The following BAIAP3 variants were observed in gnomAD, a reference collection of about 807,000 sequenced individuals.
BAIAP3 encodes BAI1 associated protein 3.
A neutral mutation model predicts 149.7 loss-of-function variants in BAIAP3; 180 were observed. That is an observed-to-expected ratio of 1.20 (90% CI 1.07 to 1.36). The LOEUF (loss-of-function observed/expected upper bound fraction) is 1.36, where lower values mean the gene tolerates loss of function less well. Among genes scored for constraint, BAIAP3 ranks in the 40% most tolerant of loss-of-function variants. BAIAP3 has a pLI of 0.00. For synonymous variants in BAIAP3, 845 were observed against 670.7 expected, an observed-to-expected ratio of 1.26 and a Z score of -4.02; for missense variants, 1,767 against 1,563.4, an observed-to-expected ratio of 1.13 and a Z score of -2.20.
At chr16:1,343,939 G>GT (rs1004410489) in intron 15 of BAIAP3, 83 bp from the exon 16 acceptor site, 7 of 1,575,746 alleles carry the variant, frequency 4.4e-6, no homozygotes, top group Admixed American at 3.4e-5. Flanking sequence ...GGGGAAGGGT[G>GT]TTGCGGGCCA....
Position 1,343,120 on chromosome 16 carries a change from G to A in BAIAP3, c.1265+104G>A, listed in dbSNP as rs371321072. 207 of 1,122,256 alleles carry A rather than the reference G, an allele frequency of 1.8e-4. 1 individual carries two copies. In the African/African-American group the frequency reaches 1.9e-3, roughly 10 times the overall value. The allele number at this position is 1,122,256 out of a possible 1,614,324, so 69.5% of individuals were successfully genotyped here. A position where few individuals can be genotyped will look rare whatever the true frequency, so the allele number is the denominator to read the frequency against. The stretch of plus-strand genomic sequence containing the variant: ...TGGATGTCGTGGCTGGGAGGGTGGG[G>A]CAGGGAAAGGGGCGGTGCTGAGTAG... On this transcript the variant is annotated intron_variant, in intron 14 of 33. Coordinates refer to ENST00000426824, the MANE Select transcript of BAIAP3 (RefSeq NM_001199097.2).
At chr16:1,334,813 G>T (rs2033354806) in intron 1 of BAIAP3, 2 of 1,449,948 alleles carry the variant, frequency 1.4e-6, no homozygotes, top group South Asian at 1.2e-5. Flanking sequence ...AAGGGGAGTC[G>T]GGGGGCTGAG....
At chr16:1,342,430 G>A (rs769011408) in intron 11 of BAIAP3, 97 bp from the exon 12 acceptor site, 18 of 1,386,200 alleles carry the variant, frequency 1.3e-5, no homozygotes, top group Non-Finnish European at 1.8e-5. Flanking sequence ...CCGGAGAAGG[G>A]AAGCCCAGGC....
Position 1,348,239 on chromosome 16 carries a change from TG to T in BAIAP3, c.3296del (p.Gly1099AlafsTer21). ...GTCACTGGTGTCGCCCGGCCCCAGGTGGGCGGGGGTGCAAGGGCTGGGCAGC... is the reference window on the plus strand; with the variant it reads ...GTCACTGGTGTCGCCCGGCCCCAGGTGGCGGGGGTGCAAGGGCTGGGCAGC... ...GGVTGVARPQVGGGARAGQPV... is the reference protein window; with the variant it reads ...GGVTGVARPQXGGGARAGQPV... On this transcript the variant is annotated frameshift_variant, in exon 33 of 34. Transcript: ENST00000426824. LOFTEE classifies it high-confidence loss of function. 6.2e-7 allele frequency: 1 copy of T among 1,605,244 alleles called. No individual in the cohort carries two copies. The highest frequency in any genetic ancestry group is 8.5e-7 in the Non-Finnish European group (1 of 1,178,026).
intron 28 of BAIAP3, 95 bp downstream of exon 28, chr16:1,347,050 G>A: frequency 8.1e-7 from 1 of 1,233,582 alleles, no homozygotes; most frequent in South Asian, 1.3e-5. Context: ...GGTCTCCTGT[G>A]GCTGGAGAGC....
rs201748976 is a variant in BAIAP3, at chr16:1,334,626, G to A, written c.-11+877G>A. ...CGGGGAGCCCAAGGCCACCGGCAGC[G>A]CTTGTTAGAATGCAGATTCCCGGGG... On this transcript the variant is annotated intron_variant, in intron 1 of 33. Coordinates refer to ENST00000426824, the MANE Select transcript of BAIAP3 (RefSeq NM_001199097.2). 5.3e-5 allele frequency: 81 copies of A among 1,536,614 alleles called. 1 individual carries two copies. In the East Asian group the frequency reaches 1.9e-3, roughly 36 times the overall value.
chr16:1,348,403 A>G lies in BAIAP3; in HGVS notation c.3380A>G (p.Glu1127Gly). 1 of 1,612,658 alleles carries G rather than the reference A, an allele frequency of 6.2e-7. No individual in the cohort carries two copies. The highest frequency in any genetic ancestry group is 8.5e-7 in the Non-Finnish European group (1 of 1,179,830). Residue 1127 changes from glutamate (E) to glycine (G), a missense_variant, in exon 34 of 34, where the codon GAA becomes GGA. Coordinates refer to ENST00000426824, the MANE Select transcript of BAIAP3 (RefSeq NM_001199097.2). ...GTGAGATCTGCGCTGAGGAGGCTGG[A>G]AGGCCGCACCAGCAAGGAGGCGCAG... ...AQVRSALRRL[E>G]GRTSKEAQEF... is the part of the protein sequence containing the mutation.
In BAIAP3 at chr16:1,338,675, G is replaced by A. The variant is rs2033642268; in HGVS notation, c.126G>A (p.Gly42=). 2.5e-6 allele frequency: 4 copies of A among 1,580,844 alleles called. No homozygotes were observed. The South Asian group carries it at 4.6e-5, about 18-fold the overall frequency. Residue 42 remains glycine, a synonymous_variant, in exon 2 of 34, where the codon GGG becomes GGA. Coordinates refer to ENST00000426824, the MANE Select transcript of BAIAP3 (RefSeq NM_001199097.2). ...CCGACCCGCAGGAGCCTGCCACGGGGGCCTGGTGGGTGCCGAGGGGCCCAG... is the reference window on the plus strand; with the variant it reads ...CCGACCCGCAGGAGCCTGCCACGGGAGCCTGGTGGGTGCCGAGGGGCCCAG... ...ASADPQEPAT[G]AWKPGDGVEF...
chr16:1,338,701 CCCCACACG>C (rs1354515074), intron 2 of BAIAP3, 21 bp downstream of exon 2: 1 of 1,565,642 alleles, frequency 6.4e-7, no homozygotes, highest in Non-Finnish European at 8.6e-7. Context: ...AGGGGCCCAG[CCCCACACG>C]CCCACAGGGC....
rs1347835617 is a variant in BAIAP3 at position 1,341,860 on chromosome 16, AC to A, written c.771del (p.Asp257GlufsTer12). 6.2e-7 allele frequency: 1 copy of A among 1,612,362 alleles called. No homozygotes were observed. The highest frequency in any genetic ancestry group is 2.2e-5 in the East Asian group (1 of 44,872). ...GTGAGCACGGACCAGCTGCACCTGG[AC>A]ATCTGGTACAGGCCCCTGCGCCATG... is the stretch of plus-strand genomic sequence containing the variant. ...EDVSTDQLHL[D>X]IWDHDDDVSL... On this transcript the variant is annotated frameshift_variant, in exon 9 of 34. Transcript: ENST00000426824. LOFTEE classifies it high-confidence loss of function.
rs34598300 is a variant in BAIAP3, at chr16:1,342,744, G to C, written c.1091G>C (p.Gly364Ala). Residue 364 changes from glycine (G) to alanine (A), a missense_variant, in exon 13 of 34, where the codon GGG (glycine) becomes GCG (alanine). Gly to Ala is a moderately conservative substitution (Grantham distance 60, BLOSUM62 0). Transcript: ENST00000426824. ...AGGGATACGGCCATGAGCCAGCGCG[G>C]GCGATCCGGCTTCCTGTCCCACCTG... ...TQRDTAMSQR[G>A]RSGFLSHLLL... The C allele has an allele frequency of 2.0e-3, 3,263 of 1,612,498 alleles. 6 individuals are homozygous for C. Among genetic ancestry groups the C allele is most frequent in the Non-Finnish European group, 2.4e-3 (2,829 of 1,179,992 alleles).
At chr16:1,339,431 G>A in intron 4 of BAIAP3, 65 bp from the exon 5 acceptor site, 1 of 1,526,038 alleles carries the variant, frequency 6.6e-7, no homozygotes, top group Non-Finnish European at 9.0e-7. Context: ...CAGGCAGACA[G>A]GAGGTGCTGC....
In BAIAP3 at chr16:1,341,992, T is replaced by C. The variant is rs1316558248; in HGVS notation, c.783T>C (p.His261=). 4 of 1,597,862 alleles carry C rather than the reference T, an allele frequency of 2.5e-6. No individual in the cohort carries two copies. The highest frequency in any genetic ancestry group is 1.7e-5 in the Admixed American group (1 of 58,032). Residue 261 remains histidine, a synonymous_variant, in exon 10 of 34, where the codon CAT becomes CAC. Transcript: ENST00000426824. ...CCTCCCCTGTCCCCACCAGGGATCA[T>C]GACGACGATGTATCCCTGGTAGAAG... The part of the protein sequence containing the change: ...TDQLHLDIWD[H]DDDVSLVEAC...
Position 1,337,337 on chromosome 16 carries a change from G to A in BAIAP3, c.-10-1203G>A, listed in dbSNP as rs2033524167. The stretch of plus-strand genomic sequence containing the variant: ...TCAAGACCAGCCTGGCCAACATAGC[G>A]AAACCCCGTCTCCACTGAAAGTACA... On this transcript the variant is annotated intron_variant, in intron 1 of 33. Coordinates refer to ENST00000426824, the MANE Select transcript of BAIAP3 (RefSeq NM_001199097.2). Among the ~76,000 whole-genome samples the A allele has an allele frequency of 3.3e-5, 5 of 152,304 alleles. No homozygotes were observed. In the South Asian group the frequency reaches 8.3e-4, roughly 25 times the overall value.
chr16:1,341,518 A>T, intron 8 of BAIAP3, 29 bp downstream of exon 8: 1 of 1,589,954 alleles, frequency 6.3e-7, no homozygotes, highest in South Asian at 1.1e-5. Flanking sequence ...TGGGTGCGGG[A>T]GGGGGGCTCT....
In BAIAP3 at chr16:1,348,560, T is replaced by C; in HGVS notation, c.*78T>C. The C allele has an allele frequency of 6.3e-6, 9 of 1,426,912 alleles. No individual in the cohort carries two copies. The highest frequency in any genetic ancestry group is 8.7e-6 in the Non-Finnish European group (9 of 1,038,310). 88.4% of individuals were successfully genotyped at this position (1,426,912 alleles called of 1,614,324 possible). ...ATCCTCCAGCTCACTGTGGCCAGCT[T>C]TGTGCAACCAGGGCCCACGGCGCCC... On this transcript the variant is annotated 3_prime_UTR_variant, in exon 34 of 34. Coordinates refer to ENST00000426824, the MANE Select transcript of BAIAP3 (RefSeq NM_001199097.2).
At chr16:1,345,505 C>A in intron 22 of BAIAP3, 133 bp downstream of exon 22, 1 of 1,101,094 alleles carries the variant, frequency 9.1e-7, no homozygotes, top group Non-Finnish European at 1.2e-6. Flanking sequence ...CAACCCCAGC[C>A]TCCCCGGCCT....
chr16:1,346,259 G>T lies in BAIAP3; in HGVS notation c.2391G>T (p.Gly797=). 6.2e-7 allele frequency: 1 copy of T among 1,610,562 alleles called. No homozygotes were observed. The highest frequency in any genetic ancestry group is 8.5e-7 in the Non-Finnish European group (1 of 1,178,678). ...KGLAWPEGAT[G]PEGVLPRPLL... ...TGGCATGGCCAGAGGGGGCCACGGG[G>T]CCCGAGGGGGTGCTCCCCCGCCCTC... The change falls in exon 25 of 34, where the codon GGG becomes GGT. Residue 797 remains glycine, a synonymous_variant. Coordinates refer to ENST00000426824, the MANE Select transcript of BAIAP3 (RefSeq NM_001199097.2).
intron 28 of BAIAP3, 112 bp downstream of exon 28, chr16:1,347,067 T>G: frequency 9.7e-7 from 1 of 1,032,186 alleles, no homozygotes; most frequent in Non-Finnish European, 1.4e-6. Flanking sequence ...GAGCAGCCAC[T>G]CCAGGGCTGT....
Sources: gnomAD v4.1 joint callset for allele counts (sites outside exome capture counted in the v4.1 genomes callset) on GRCh38, gnomAD v4.1.1 for gene constraint, MANE v1.5 for transcripts, NCBI Gene and HGNC (gene_info 2026-07-23, HGNC 2026-07-21) for gene names.